DOK7: variants seen among roughly 807,000 people sequenced by gnomAD.
DOK7 encodes the protein protein Dok-7.
In DOK7, 32 loss-of-function variants were observed where a neutral mutation model predicts 30.7. The ratio of observed to expected loss-of-function variants is 1.04; its 90% CI spans 0.79 to 1.40. The LOEUF is 1.40. Among genes scored for constraint, DOK7 ranks in the 40% most tolerant of loss-of-function variants. The pLI is 0.00. For missense variants in DOK7, 1,007 were observed against 699.2 expected, an observed-to-expected ratio of 1.44 and a Z score of -4.97; for synonymous variants, 447 against 324.1, an observed-to-expected ratio of 1.38 and a Z score of -4.07.
In DOK7 at chr4:3,463,328, G is replaced by T. The variant is rs751937397; in HGVS notation, c.-48G>T. ...TGCGAGCTATTTTGAAAGTGACCCTGGGCTGGGGCGCCGGGGCGAGCGCGG... is the reference window on the plus strand; with the variant it reads ...TGCGAGCTATTTTGAAAGTGACCCTTGGCTGGGGCGCCGGGGCGAGCGCGG... On this transcript the variant is annotated 5_prime_UTR_variant, in exon 1 of 7. Coordinates refer to ENST00000340083, the MANE Select transcript of DOK7 (RefSeq NM_173660.5). The T allele has an allele frequency of 2.8e-6, 4 of 1,424,248 alleles. No individual in the cohort carries two copies. Among genetic ancestry groups the T allele is most frequent in the Non-Finnish European group, 3.6e-6 (4 of 1,100,618 alleles). 88.2% of individuals were successfully genotyped at this position (1,424,248 alleles called of 1,614,324 possible). A position where few individuals can be genotyped will look rare whatever the true frequency, so the allele number is the denominator to read the frequency against.
chr4:3,475,304 C>T (rs1726997490), intron 3 of DOK7, among the ~76,000 whole-genome samples: 1 of 152,216 alleles, frequency 6.6e-6, no homozygotes, highest in African/African-American at 2.4e-5. Flanking sequence ...ACCGCCCAGG[C>T]AGCTTCATCT....
chr4:3,482,898 G>C (rs538425989), intron 4 of DOK7, among the ~76,000 whole-genome samples: 1 of 152,300 alleles, frequency 6.6e-6, no homozygotes, highest in African/African-American at 2.4e-5. Flanking sequence ...CAGCCGGGAC[G>C]GCAGCAGGTG....
Position 3,494,187 on chromosome 4 carries a change from C to G in DOK7, c.*686C>G. 2.0e-6 allele frequency: 2 copies of G among 985,574 alleles called. No homozygotes were observed. The highest frequency in any genetic ancestry group is 1.2e-6 in the Non-Finnish European group (1 of 830,022). 61.1% of individuals were successfully genotyped at this position (985,574 alleles called of 1,614,324 possible). A position where few individuals can be genotyped will look rare whatever the true frequency, so the allele number is the denominator to read the frequency against. Reference sequence around the variant, plus strand: ...CTGCTGACCCCACTGGGAGAGGCGCCGTGCCTCGGGCCCCTGGTGGGAGCT... The same window carrying G: ...CTGCTGACCCCACTGGGAGAGGCGCGGTGCCTCGGGCCCCTGGTGGGAGCT... On this transcript the variant is annotated 3_prime_UTR_variant, in exon 7 of 7. Transcript: ENST00000340083.
intron 5 of DOK7, 39 bp from the exon 6 acceptor site, chr4:3,489,638 G>A: frequency 1.3e-6 from 2 of 1,558,162 alleles, no homozygotes; most frequent in Middle Eastern, 1.8e-4. Context: ...GGTGGGCGGT[G>A]GTGGCCACCT....
chr4:3,478,684 G>T (rs977757098), intron 4 of DOK7, among the ~76,000 whole-genome samples: 9 of 152,238 alleles, frequency 5.9e-5, no homozygotes, highest in Non-Finnish European at 1.3e-4. Flanking sequence ...AGGGCTCTGG[G>T]AATTCGGTCA....
At chr4:3,491,557 ATTCC>A (rs1316924716) in intron 6 of DOK7, among the ~76,000 whole-genome samples, 2 of 18,718 alleles carry the variant, frequency 1.1e-4, no homozygotes, top group African/African-American at 2.7e-4. Flanking sequence ...CTATTCATTC[ATTCC>A]TTCCTTCACT....
At chr4:3,463,809 G>A (rs1045028138) in intron 2 of DOK7, among the ~76,000 whole-genome samples, 15 of 152,292 alleles carry the variant, frequency 9.8e-5, no homozygotes, top group African/African-American at 3.4e-4. Context: ...GGGGACGCAG[G>A]CCCTGAGCCC....
At chr4:3,479,764 A>C (rs1404320165) in intron 4 of DOK7, among the ~76,000 whole-genome samples, 1 of 152,214 alleles carries the variant, frequency 6.6e-6, no homozygotes, top group Non-Finnish European at 1.5e-5. Context: ...TGGGGGGCAG[A>C]GGTCTCTCTG....
chr4:3,469,619 G>A lies in DOK7; in HGVS notation c.101-3787G>A, dbSNP rs530777047. On this transcript the variant is annotated intron_variant, in intron 2 of 6. Coordinates refer to ENST00000340083, the MANE Select transcript of DOK7 (RefSeq NM_173660.5). Reference sequence around the variant, plus strand: ...CTGGCCAGTGGCCATCCACTCCTGAGTCCCCCAGACCTGTGTCTACCCGGC... The same window carrying A: ...CTGGCCAGTGGCCATCCACTCCTGAATCCCCCAGACCTGTGTCTACCCGGC... Among the ~76,000 whole-genome samples the A allele has an allele frequency of 7.2e-5, 11 of 152,222 alleles. No individual in the cohort carries two copies. In the South Asian group the frequency reaches 2.3e-3, roughly 32 times the overall value.
At chr4:3,482,088 C>T (rs1422299071) in intron 4 of DOK7, among the ~76,000 whole-genome samples, 1 of 152,192 alleles carries the variant, frequency 6.6e-6, no homozygotes, top group Non-Finnish European at 1.5e-5. Flanking sequence ...TCCCCCACAA[C>T]AGGGCTCCTA....
intron 2 of DOK7, among the ~76,000 whole-genome samples, chr4:3,463,893 C>T (rs1173837100): frequency 2.0e-5 from 3 of 152,180 alleles, no homozygotes; most frequent in Admixed American, 1.3e-4. Flanking sequence ...CTTGTGGAAA[C>T]GCTCAGAGCA....
rs530128422 is a variant in DOK7, at chr4:3,494,441, A to C, written c.*940A>C. ...CACTGTCAGCTGTTTCTAAACCCAG[A>C]CACTGTTTGTAATAGACTGGAAATA... is the stretch of plus-strand genomic sequence containing the variant. On this transcript the variant is annotated 3_prime_UTR_variant, in exon 7 of 7. Transcript: ENST00000340083. 36 of 985,352 alleles carry C rather than the reference A, an allele frequency of 3.7e-5. No homozygotes were observed. Among genetic ancestry groups the C allele is most frequent in the Non-Finnish European group, 1.3e-5 (11 of 830,058 alleles). 61.0% of individuals were successfully genotyped at this position (985,352 alleles called of 1,614,324 possible).
At chr4:3,470,334 G>A (rs1255340171) in intron 2 of DOK7, among the ~76,000 whole-genome samples, 3 of 152,222 alleles carry the variant, frequency 2.0e-5, no homozygotes, top group African/African-American at 4.8e-5. Flanking sequence ...GGACATACAG[G>A]TTCCGGGGTC....
At chr4:3,485,765 C>T (rs902146703) in intron 5 of DOK7, 107 bp downstream of exon 5, 2 of 1,336,082 alleles carry the variant, frequency 1.5e-6, no homozygotes, top group African/African-American at 3.0e-5. Context: ...GATGGCCAGC[C>T]TCCCCACCCC....
At chr4:3,485,683 G>T (rs561511868) in intron 5 of DOK7, 25 bp downstream of exon 5, 2 of 1,530,220 alleles carry the variant, frequency 1.3e-6, no homozygotes, top group African/African-American at 1.4e-5. Context: ...CTGGCCGGCC[G>T]GGGAGGGTGC....
At chr4:3,473,356 T>C (rs967382317) in intron 2 of DOK7, 50 bp from the exon 3 acceptor site, 1 of 1,586,804 alleles carries the variant, frequency 6.3e-7, no homozygotes, top group Admixed American at 1.7e-5. Flanking sequence ...ACGCCAAGGG[T>C]GCGGGCAGGC....
At position 3,500,744 on chromosome 4, in the gene DOK7, G is replaced by A. The variant is rs536814911; in HGVS notation, c.1314G>A (p.Ala438=). The A allele has an allele frequency of 1.8e-4, 280 of 1,535,442 alleles. 1 individual carries two copies. The African/African-American group carries it at 1.9e-3, about 10-fold the overall frequency. The change falls in exon 8 of 8, where the codon GCG becomes GCA. Residue 438 remains alanine (A), a synonymous_variant. Transcript: ENST00000643608. ...TCGACATCATGGCCACCGAGACGGCGCACAGAGTGGGGGTGCGGCACGCAC... is the reference window on the plus strand; with the variant it reads ...TCGACATCATGGCCACCGAGACGGCACACAGAGTGGGGGTGCGGCACGCAC...
chr4:3,495,504 C>T (rs574703693), downstream of DOK7, among the ~76,000 whole-genome samples: 9 of 152,338 alleles, frequency 5.9e-5, no homozygotes, highest in East Asian at 5.8e-4. Context: ...GGGATGCGGC[C>T]GGGACATCTG....
At chr4:3,490,745 CTT>C in intron 6 of DOK7, among the ~76,000 whole-genome samples, 1 of 104,262 alleles carries the variant, frequency 9.6e-6, no homozygotes, top group South Asian at 4.0e-4. Context: ...TTCCTTCCTT[CTT>C]CCTCCTGCTC....
Sources: gnomAD v4.1 joint callset for allele counts (sites outside exome capture counted in the v4.1 genomes callset) on GRCh38, gnomAD v4.1.1 for gene constraint, MANE v1.5 for transcripts, NCBI Gene and HGNC (gene_info 2026-07-23, HGNC 2026-07-21) for gene names.